Variants in TSHZ3 observed in about 807,000 individuals in gnomAD.
TSHZ3 encodes the protein teashirt zinc finger homeobox 3, also known as teashirt homolog 3.
In TSHZ3, 10 loss-of-function variants were observed where a neutral mutation model predicts 64.5. That is an observed-to-expected ratio of 0.16 (90% confidence interval 0.10 to 0.26). The LOEUF (loss-of-function observed/expected upper bound fraction) is 0.26, where lower values mean the gene tolerates loss of function less well. TSHZ3 is among the 10% of genes least tolerant of loss of function. The probability of loss-of-function intolerance (pLI) is 1.00; values close to 1 mark genes in which losing one functional copy is unlikely to be tolerated. For missense variants in TSHZ3, 1,242 were observed against 1,421.7 expected, an observed-to-expected ratio of 0.87 and a Z score of 2.03; for synonymous variants, 608 against 593.1, an observed-to-expected ratio of 1.03 and a Z score of -0.36.
chr19:31,163,720 A>C (rs1974402028), intron 5 of TSHZ3, among the ~76,000 whole-genome samples: 1 of 152,182 alleles, frequency 6.6e-6, no homozygotes. Flanking sequence ...GACAGAATGG[A>C]ACTGTGTCTC....
At chr19:31,199,457 A>C (rs1271926632) in intron 5 of TSHZ3, among the ~76,000 whole-genome samples, 1 of 151,138 alleles carries the variant, frequency 6.6e-6, no homozygotes, top group African/African-American at 2.4e-5. Flanking sequence ...GTCTTTGATA[A>C]AGTACCAAAG....
At chr19:31,261,515 C>T (rs1379297057) in intron 1 of TSHZ3, among the ~76,000 whole-genome samples, 3 of 152,232 alleles carry the variant, frequency 2.0e-5, no homozygotes, top group Non-Finnish European at 2.9e-5. Context: ...CAAATGTCAG[C>T]ATGTTAATTT....
chr19:31,258,503 G>T (rs1975942888), intron 1 of TSHZ3, among the ~76,000 whole-genome samples: 2 of 152,098 alleles, frequency 1.3e-5, no homozygotes, highest in Non-Finnish European at 2.9e-5. Flanking sequence ...GCTCTGTTTT[G>T]GTTTTCTCCG....
intron 1 of TSHZ3, among the ~76,000 whole-genome samples, chr19:31,259,993 A>T (rs1215852714): frequency 6.6e-6 from 1 of 152,128 alleles, no homozygotes. Context: ...TTGACTTTTC[A>T]TCACTAGAAC....
intron 4 of TSHZ3, among the ~76,000 whole-genome samples, chr19:31,213,012 TG>T: frequency 6.6e-6 from 1 of 152,082 alleles, no homozygotes; most frequent in South Asian, 2.1e-4. Flanking sequence ...AGGCTATATA[TG>T]GTACAATTTC....
chr19:31,289,324 G>A (rs528021701), intron 1 of TSHZ3, among the ~76,000 whole-genome samples: 12 of 152,322 alleles, frequency 7.9e-5, no homozygotes, highest in African/African-American at 2.9e-4. Context: ...CTGCTGGGGT[G>A]AGAGCTCCCA....
At chr19:31,335,421 ACCTGAAG>A (rs1216743849) in intron 1 of TSHZ3, among the ~76,000 whole-genome samples, 1 of 152,112 alleles carries the variant, frequency 6.6e-6, no homozygotes, top group African/African-American at 2.4e-5. Flanking sequence ...ACTGCCATCC[ACCTGAAG>A]CTCTCAAGCC....
intron 1 of TSHZ3, among the ~76,000 whole-genome samples, chr19:31,315,324 C>A (rs974686650): frequency 2.0e-5 from 3 of 152,218 alleles, no homozygotes; most frequent in Admixed American, 6.5e-5. Context: ...TTCCCCCAGC[C>A]CCGCCCTGTC....
downstream of TSHZ3, among the ~76,000 whole-genome samples, chr19:31,274,187 T>C (rs1352442105): frequency 2.6e-5 from 4 of 152,086 alleles, no homozygotes; most frequent in Non-Finnish European, 5.9e-5. Context: ...GTAATACATC[T>C]CTCATTTGTA....
Position 31,278,611 on chromosome 19 carries a change from C to G in TSHZ3, c.1182G>C (p.Ser394=). 1 of 1,614,110 alleles carries G rather than the reference C, an allele frequency of 6.2e-7. No homozygotes were observed. The highest frequency in any genetic ancestry group is 8.5e-7 in the Non-Finnish European group (1 of 1,179,998). ...QILKCMECGS[S]HDTLQELTAH... ...CAGTGAGCTCCTGCAGGGTGTCATG[C>G]GAGCTCCCACACTCCATGCACTTCA... Residue 394 remains serine, a synonymous_variant, in exon 2 of 2, where the codon TCG becomes TCC. Transcript: ENST00000240587. The surrounding 1 kb of genome is among the most constrained non-coding windows in gnomAD (Gnocchi z 4.7).
chr19:31,314,975 C>T (rs562801341), intron 1 of TSHZ3, among the ~76,000 whole-genome samples: 3 of 152,282 alleles, frequency 2.0e-5, no homozygotes, highest in East Asian at 1.9e-4. Context: ...TCTACAGATG[C>T]GTGCTGGACA....
chr19:31,345,596 C>T (rs1372022907), intron 1 of TSHZ3, among the ~76,000 whole-genome samples: 1 of 152,204 alleles, frequency 6.6e-6, no homozygotes. Context: ...TTGTTTTTAC[C>T]ACCTAAGAAC....
intron 5 of TSHZ3, among the ~76,000 whole-genome samples, chr19:31,200,380 G>T (rs1975063598): frequency 6.6e-6 from 1 of 152,100 alleles, no homozygotes; most frequent in Admixed American, 6.6e-5. Context: ...CTTGACTTTG[G>T]AATATCATTC....
intron 5 of TSHZ3, among the ~76,000 whole-genome samples, chr19:31,161,703 G>T (rs1471164651): frequency 6.6e-6 from 1 of 152,208 alleles, no homozygotes; most frequent in Non-Finnish European, 1.5e-5. Context: ...TCAGGCAGAC[G>T]TGCAGTTTGC....
chr19:31,206,654 A>T (rs1049572523), intron 4 of TSHZ3, among the ~76,000 whole-genome samples: 2 of 152,192 alleles, frequency 1.3e-5, no homozygotes, highest in Non-Finnish European at 2.9e-5. Context: ...TTTAAAAAAA[A>T]ACTTTTGAAA....
At chr19:31,320,802 C>T (rs927073012) in intron 1 of TSHZ3, among the ~76,000 whole-genome samples, 1 of 152,222 alleles carries the variant, frequency 6.6e-6, no homozygotes, top group African/African-American at 2.4e-5. Flanking sequence ...GACATCCTGG[C>T]TTCAGCTGTA....
downstream of TSHZ3, chr19:31,274,824 AC>A (rs1976198926): frequency 1.3e-5 from 2 of 152,048 alleles, no homozygotes; most frequent in Middle Eastern, 3.2e-3. Context: ...ACAGCTTCCG[AC>A]TGCCAGCACC....
At chr19:31,253,201 G>A (rs1975864360) in intron 1 of TSHZ3, among the ~76,000 whole-genome samples, 2 of 152,076 alleles carry the variant, frequency 1.3e-5, no homozygotes, top group Non-Finnish European at 2.9e-5. Context: ...GGGTAGTTGG[G>A]GTCATTAGAG....
chr19:31,272,859 G>A (rs767804960), downstream of TSHZ3, among the ~76,000 whole-genome samples: 2 of 152,134 alleles, frequency 1.3e-5, no homozygotes, highest in Admixed American at 6.5e-5. Context: ...AGGGTCACCC[G>A]CGCACCTGTG....
Sources: allele counts gnomAD v4.1 joint callset (sites outside exome capture counted in the v4.1 genomes callset), GRCh38; gene constraint gnomAD v4.1.1; non-coding constraint Gnocchi (gnomAD v3.1); transcripts MANE v1.5; gene names NCBI Gene and HGNC (gene_info 2026-07-23, HGNC 2026-07-21).